Variants in PTGS2 observed in about 807,000 individuals in gnomAD.
PTGS2 encodes prostaglandin G/H synthase 2.
PTGS2 carries 14 observed loss-of-function variants against 63.8 expected under a neutral mutation model. The ratio of observed to expected loss-of-function variants is 0.22; its 90% CI spans 0.14 to 0.34. PTGS2 has a LOEUF of 0.34. PTGS2 is among the 10% of genes least tolerant of loss of function. The pLI, the probability that PTGS2 is intolerant of heterozygous loss-of-function variation, is 1.00. For synonymous variants in PTGS2, 271 were observed against 259.5 expected (o/e 1.04, Z -0.43); for missense variants, 533 against 738.5 (o/e 0.72, Z 3.23).
At chr1:186,676,445 T>A in intron 7 of PTGS2, 22 bp downstream of exon 7, 1 of 1,609,916 alleles carries the variant, frequency 6.2e-7, no homozygotes, top group South Asian at 1.1e-5. Context: ...GAGGGTTTTA[T>A]ATAAATCATT....
chr1:186,678,529 T>C (rs545082358), intron 3 of PTGS2, 125 bp from the exon 4 acceptor site: 1 of 913,870 alleles, frequency 1.1e-6, no homozygotes, highest in Non-Finnish European at 1.6e-6. Flanking sequence ...ATAAAAAAAA[T>C]CTATTTTTAA....
rs946071970 is a variant in PTGS2 at position 186,680,206 on chromosome 1, C to T, written c.52+33G>A. The stretch of plus-strand genomic sequence containing the variant: ...GAAACTCTGCCCGGGTGCGTGGAAC[C>T]GGAGTCCCCGGTGCGCGGCGCCAGG... On this transcript the variant is annotated intron_variant, in intron 1 of 9. Coordinates refer to ENST00000367468, the MANE Select transcript of PTGS2 (RefSeq NM_000963.4). The T allele has an allele frequency of 1.2e-5, 18 of 1,549,604 alleles. No homozygotes were observed. The African/African-American group carries it at 2.2e-4, about 19-fold the overall frequency.
Position 186,676,120 on chromosome 1 carries a change from C to G in PTGS2, c.1035G>C (p.Leu345=). The G allele has an allele frequency of 1.2e-6, 2 of 1,614,078 alleles. No individual in the cohort carries two copies. The highest frequency in any genetic ancestry group is 1.7e-6 in the Non-Finnish European group (2 of 1,179,956). Residue 345 remains leucine (L), a synonymous_variant, in exon 8 of 10, where the codon CTG becomes CTC. Transcript: ENST00000367468. ...TGAAAAGTAGTTCTGGGTCAAATTT[C>G]AGTTTGAAGTGATAGCCACTCAAGT... ...VQHLSGYHFK[L]KFDPELLFNK...
chr1:186,677,622 A>G, intron 5 of PTGS2, 27 bp downstream of exon 5: 2 of 1,540,398 alleles, frequency 1.3e-6, no homozygotes, highest in Non-Finnish European at 1.8e-6. Context: ...TAATTTTACT[A>G]ACTCTAAGAT....
intron 2 of PTGS2, 37 bp downstream of exon 2, chr1:186,679,285 C>T: frequency 6.2e-7 from 1 of 1,612,562 alleles, no homozygotes; most frequent in Non-Finnish European, 8.5e-7. Context: ...CTGTATCCAG[C>T]CCCACTCCTA....
intron 4 of PTGS2, 150 bp from the exon 5 acceptor site, chr1:186,677,980 A>G: frequency 2.7e-6 from 2 of 739,876 alleles, no homozygotes; most frequent in Non-Finnish European, 4.2e-6. Context: ...GATATGGTGG[A>G]ACAACTTCTT....
At chr1:186,675,558 TAA>T in intron 8 of PTGS2, 162 bp from the exon 9 acceptor site, 1 of 828,784 alleles carries the variant, frequency 1.2e-6, no homozygotes, top group East Asian at 2.7e-5. Context: ...GAGCTCTGCT[TAA>T]AATTCAATGG....
chr1:186,675,839 G>A, intron 8 of PTGS2, 59 bp downstream of exon 8: 1 of 1,454,424 alleles, frequency 6.9e-7, no homozygotes, highest in Non-Finnish European at 9.3e-7. Flanking sequence ...AATTTCCGTG[G>A]CAGAAATTCT....
In PTGS2 at chr1:186,674,917, G is replaced by A. The variant is rs373450668; in HGVS notation, c.1406-155C>T. On this transcript the variant is annotated intron_variant, in intron 9 of 9. Coordinates refer to ENST00000367468, the MANE Select transcript of PTGS2 (RefSeq NM_000963.4). ...TTAGGGGCCAGGCGCGGTGGCTCAC[G>A]CCTGTAATCCCAGCACTTCGGGAGG... Among the ~76,000 whole-genome samples, 102 of 152,346 alleles carry A rather than the reference G, an allele frequency of 6.7e-4. 1 individual carries two copies. In the East Asian group the frequency reaches 7.5e-3, roughly 11 times the overall value.
In PTGS2 at chr1:186,675,991, G is replaced by A. The variant is rs745938962; in HGVS notation, c.1164C>T (p.Tyr388=). ...PDTFQIHDQK[Y]NYQQFIYNNS... Reference sequence around the variant, plus strand: ...TGTTGTAGATAAACTGTTGATAGTTGTATTTCTGGTCATGAATTTGAAAGG... The same window carrying A: ...TGTTGTAGATAAACTGTTGATAGTTATATTTCTGGTCATGAATTTGAAAGG... Residue 388 remains tyrosine, a synonymous_variant, in exon 8 of 10, where the codon TAC becomes TAT. Transcript: ENST00000367468. The A allele has an allele frequency of 6.2e-7, 1 of 1,613,906 alleles. No individual in the cohort carries two copies. Among genetic ancestry groups the A allele is most frequent in the Non-Finnish European group, 8.5e-7 (1 of 1,179,840 alleles).
At chr1:186,675,126 G>A (rs529969107) in intron 9 of PTGS2, 123 bp downstream of exon 9, 70 of 1,275,224 alleles carry the variant, frequency 5.5e-5, no homozygotes, top group Non-Finnish European at 6.6e-5. Flanking sequence ...GCAGTGAGCC[G>A]AGATGGCGCC....
chr1:186,679,291 T>G, intron 2 of PTGS2, 31 bp downstream of exon 2: 1 of 1,613,590 alleles, frequency 6.2e-7, no homozygotes, highest in Non-Finnish European at 8.5e-7. Flanking sequence ...CCAGCCCCAC[T>G]CCTAATGAGG....
chr1:186,679,488 AT>A, intron 1 of PTGS2, 50 bp from the exon 2 acceptor site: 8 of 1,287,304 alleles, frequency 6.2e-6, no homozygotes, highest in Non-Finnish European at 9.0e-6. Flanking sequence ...CTTAATCTTA[AT>A]TTAAACATTT....
intron 6 of PTGS2, 32 bp downstream of exon 6, chr1:186,676,801 T>C (rs752821932): frequency 6.2e-7 from 1 of 1,604,042 alleles, no homozygotes. Flanking sequence ...TAAGCGGTAA[T>C]AACTAAGTCT....
rs1665718833 is a variant in PTGS2 at position 186,673,141 on chromosome 1, G to A, written c.*1212C>T. The A allele has an allele frequency of 6.6e-6, 1 of 152,100 alleles. No homozygotes were observed. Among genetic ancestry groups the A allele is most frequent in the African/African-American group, 2.4e-5 (1 of 41,432 alleles). 9.4% of individuals were successfully genotyped at this position (152,100 alleles called of 1,614,324 possible). A position where few individuals can be genotyped will look rare whatever the true frequency, so the allele number is the denominator to read the frequency against. Reference sequence around the variant, plus strand: ...GCAGGTAGCCAGGCTTGATTCCAATGCACCTACTGAATTGGCTTCAAGACT... The same window carrying A: ...GCAGGTAGCCAGGCTTGATTCCAATACACCTACTGAATTGGCTTCAAGACT... On this transcript the variant is annotated 3_prime_UTR_variant, in exon 10 of 10. Coordinates refer to ENST00000367468, the MANE Select transcript of PTGS2 (RefSeq NM_000963.4).
Position 186,676,165 on chromosome 1 carries a change from C to A in PTGS2, c.990G>T (p.Val330=). 6.2e-7 allele frequency: 1 copy of A among 1,612,266 alleles called. No individual in the cohort carries two copies. The highest frequency in any genetic ancestry group is 8.5e-7 in the Non-Finnish European group (1 of 1,178,566). ...LILIGETIKI[V]IEDYVQHLSG... ...TCAAGTGTTGCACATAATCTTCAAT[C>A]ACAATCTTAATAGTCTCTCCTATTT... The change falls in exon 8 of 10, where the codon GTG becomes GTT. Residue 330 remains valine, a synonymous_variant. Transcript: ENST00000367468.
chr1:186,677,046 A>T (rs1665794338), intron 5 of PTGS2, 130 bp from the exon 6 acceptor site: 2 of 672,074 alleles, frequency 3.0e-6, no homozygotes, highest in Admixed American at 3.1e-5. Context: ...TAAAATATAC[A>T]TTTTTCATAG....
chr1:186,677,944 G>T, intron 4 of PTGS2, 114 bp from the exon 5 acceptor site: 1 of 1,006,442 alleles, frequency 9.9e-7, no homozygotes, highest in Non-Finnish European at 1.4e-6. Flanking sequence ...TTGTGAATAG[G>T]ATCATAATAT....
Position 186,679,113 on chromosome 1 carries a change from G to T in PTGS2, c.258C>A (p.Asn86Lys). The T allele has an allele frequency of 6.2e-7, 1 of 1,614,084 alleles. No homozygotes were observed. Among genetic ancestry groups the T allele is most frequent in the Non-Finnish European group, 8.5e-7 (1 of 1,179,968 alleles). The change falls in exon 3 of 10, where the codon AAC becomes AAA. Residue 86 changes from asparagine to lysine, a missense_variant. Transcript: ENST00000367468. Reference protein sequence around the residue: ...YILTHFKGFWNVVNNIPFLRN... With the variant: ...YILTHFKGFWKVVNNIPFLRN... ...GAAGGAAGGGAATGTTATTCACAACGTTCCAAAATCCCTTGAAGTGGGTAA... is the reference window on the plus strand; with the variant it reads ...GAAGGAAGGGAATGTTATTCACAACTTTCCAAAATCCCTTGAAGTGGGTAA...
Sources: allele counts gnomAD v4.1 joint callset (sites outside exome capture counted in the v4.1 genomes callset), GRCh38; gene constraint gnomAD v4.1.1; transcripts MANE v1.5; gene names NCBI Gene and HGNC (gene_info 2026-07-23, HGNC 2026-07-21).